The following RBFOX2 variants were observed in gnomAD, a reference collection of about 807,000 sequenced individuals.
RBFOX2 encodes RNA binding fox-1 homolog 2, also known as RNA binding protein fox-1 homolog 2.
In RBFOX2, 10 loss-of-function variants were observed where a neutral mutation model predicts 49.1. The ratio of observed to expected loss-of-function variants is 0.20; its 90% CI spans 0.13 to 0.35. The LOEUF (loss-of-function observed/expected upper bound fraction) is 0.35. Ranked by LOEUF, RBFOX2 falls within the 10% of genes least tolerant of loss-of-function variation. RBFOX2 has a pLI of 1.00. For synonymous variants in RBFOX2, 183 were observed against 187.4 expected, an observed-to-expected ratio of 0.98 and a Z score of 0.19; for missense variants, 323 against 486.9, an observed-to-expected ratio of 0.66 and a Z score of 3.17.
At chr22:36,015,325 A>G (rs2058992537) in intron 1 of RBFOX2, among the ~76,000 whole-genome samples, 1 of 152,228 alleles carries the variant, frequency 6.6e-6, no homozygotes, top group African/African-American at 2.4e-5. Flanking sequence ...GAATAGCAGT[A>G]CTCTGCATTC....
chr22:35,868,390 C>T (rs1277117428), intron 1 of RBFOX2, among the ~76,000 whole-genome samples: 5 of 152,180 alleles, frequency 3.3e-5, no homozygotes, highest in African/African-American at 1.2e-4. Flanking sequence ...GTGCTTGTTA[C>T]TTCCCATTTT....
At chr22:35,990,651 T>A (rs2057938141) in intron 1 of RBFOX2, among the ~76,000 whole-genome samples, 1 of 152,162 alleles carries the variant, frequency 6.6e-6, no homozygotes, top group African/African-American at 2.4e-5. Context: ...GAACCAGACA[T>A]AAGACTAGCT....
intron 1 of RBFOX2, among the ~76,000 whole-genome samples, chr22:35,915,396 C>G (rs1056461909): frequency 6.6e-6 from 1 of 152,178 alleles, no homozygotes; most frequent in African/African-American, 2.4e-5. Context: ...TGTCTGCCTC[C>G]TCAAAATCTT....
At chr22:35,874,674 C>T (rs6000023) in intron 1 of RBFOX2, among the ~76,000 whole-genome samples, 33,075 of 152,090 alleles carry the variant, frequency 0.22, 5,503 homozygotes, top group African/African-American at 0.47. Context: ...GATAAATGAA[C>T]TGTGGCCTAA....
At chr22:35,900,659 G>T (rs2048459206) in intron 1 of RBFOX2, among the ~76,000 whole-genome samples, 1 of 150,212 alleles carries the variant, frequency 6.7e-6, no homozygotes, top group Non-Finnish European at 1.5e-5. Flanking sequence ...GCTTAAAATA[G>T]CAGGGATTCC....
chr22:35,913,836 CCTGT>C (rs1451243005), intron 1 of RBFOX2, among the ~76,000 whole-genome samples: 3 of 151,836 alleles, frequency 2.0e-5, no homozygotes, highest in Non-Finnish European at 4.4e-5. Context: ...AAAATATCTG[CCTGT>C]CTAAGAAAAG....
intron 1 of RBFOX2, among the ~76,000 whole-genome samples, chr22:36,008,428 C>T (rs1487179549): frequency 5.3e-5 from 8 of 152,094 alleles, no homozygotes; most frequent in Admixed American, 4.6e-4. Flanking sequence ...AATGTTAGCA[C>T]TTTTTCCCTT....
intron 1 of RBFOX2, among the ~76,000 whole-genome samples, chr22:35,929,307 T>C (rs1399293482): frequency 6.6e-6 from 1 of 151,842 alleles, no homozygotes; most frequent in Non-Finnish European, 1.5e-5. Context: ...GAAGAAATTA[T>C]ACATGAGTTT....
intron 1 of RBFOX2, among the ~76,000 whole-genome samples, chr22:35,831,902 G>A (rs1465138448): frequency 1.3e-5 from 2 of 152,068 alleles, no homozygotes; most frequent in East Asian, 3.9e-4. Context: ...GAGGGATCAG[G>A]GCAAGACTCA....
chr22:35,827,840 C>T (rs1364570593), intron 1 of RBFOX2, among the ~76,000 whole-genome samples: 3 of 152,184 alleles, frequency 2.0e-5, no homozygotes, highest in Non-Finnish European at 4.4e-5. Flanking sequence ...TATGTGTTCA[C>T]TCTTCTGCTT....
intron 6 of RBFOX2, among the ~76,000 whole-genome samples, chr22:35,764,304 G>T (rs532035945): frequency 6.6e-6 from 1 of 152,076 alleles, no homozygotes; most frequent in Non-Finnish European, 1.5e-5. Context: ...AAACAGCAGA[G>T]CCAGGCATGG....
intron 1 of RBFOX2, among the ~76,000 whole-genome samples, chr22:35,875,635 T>C (rs2044969031): frequency 1.3e-5 from 2 of 149,484 alleles, no homozygotes; most frequent in South Asian, 4.3e-4. Context: ...TGTGTGTGTG[T>C]GTGTGTGTGT....
intron 1 of RBFOX2, among the ~76,000 whole-genome samples, chr22:35,927,326 C>T (rs1288452302): frequency 2.0e-5 from 3 of 152,054 alleles, no homozygotes; most frequent in South Asian, 2.1e-4. Context: ...GAAGAAAGGC[C>T]GGGCACAGTG....
rs536468110 is a variant in RBFOX2 at position 35,858,388 on chromosome 22, T to C, written c.-33-48384A>G. ...GCCATCTGCTCCACAAAGCTCTTCC[T>C]GATTACCTCCAACTAGAAGTGATTT... On this transcript the variant is annotated intron_variant, in intron 1 of 13. Coordinates refer to the RBFOX2 transcript ENST00000359369. Among the ~76,000 whole-genome samples the C allele has an allele frequency of 3.3e-5, 5 of 152,344 alleles. No homozygotes were observed. In the East Asian group the frequency reaches 9.6e-4, roughly 29 times the overall value.
At chr22:35,767,392 T>C (rs1231452674) in intron 5 of RBFOX2, among the ~76,000 whole-genome samples, 1 of 152,150 alleles carries the variant, frequency 6.6e-6, no homozygotes, top group Non-Finnish European at 1.5e-5. Flanking sequence ...ATCGCCAGCA[T>C]TGTGTATAGT....
intron 1 of RBFOX2, among the ~76,000 whole-genome samples, chr22:35,977,301 A>T (rs1407387574): frequency 6.6e-6 from 1 of 152,118 alleles, no homozygotes; most frequent in East Asian, 1.9e-4. Flanking sequence ...CACTTCATAT[A>T]CACTTATATG....
intron 9 of RBFOX2, among the ~76,000 whole-genome samples, chr22:35,748,787 GA>G (rs1933777186): frequency 6.6e-6 from 1 of 152,182 alleles, no homozygotes; most frequent in Non-Finnish European, 1.5e-5. Context: ...ATTAAAAACT[GA>G]AGTCTTATGC....
At chr22:35,866,393 T>C (rs899816449) in intron 1 of RBFOX2, among the ~76,000 whole-genome samples, 2 of 152,216 alleles carry the variant, frequency 1.3e-5, no homozygotes, top group Non-Finnish European at 2.9e-5. Context: ...AAACAATTTA[T>C]CTTGGAATAT....
At chr22:35,960,779 G>T (rs2056112707) in intron 1 of RBFOX2, among the ~76,000 whole-genome samples, 1 of 152,142 alleles carries the variant, frequency 6.6e-6, no homozygotes, top group Non-Finnish European at 1.5e-5. Context: ...AACCTAGGTA[G>T]GTATTTTTTT....
Sources: gnomAD v4.1 joint callset for allele counts (sites outside exome capture counted in the v4.1 genomes callset) on GRCh38, gnomAD v4.1.1 for gene constraint, MANE v1.5 for transcripts, NCBI Gene and HGNC (gene_info 2026-07-23, HGNC 2026-07-21) for gene names.